The following RALGPS1 variants were observed in gnomAD, a reference collection of about 807,000 sequenced individuals.
RALGPS1 encodes the protein ras-specific guanine nucleotide-releasing factor RalGPS1.
RALGPS1 carries 19 observed loss-of-function variants against 78.8 expected under a neutral mutation model. The ratio of observed to expected loss-of-function variants is 0.24; its 90% CI spans 0.17 to 0.35. The LOEUF (loss-of-function observed/expected upper bound fraction) is 0.35. Among genes scored for constraint, RALGPS1 ranks in the 10% least tolerant of loss-of-function variants. The probability of loss-of-function intolerance (pLI) is 1.00; values close to 1 mark genes in which losing one functional copy is unlikely to be tolerated. For synonymous variants in RALGPS1, 228 were observed against 256.3 expected, an observed-to-expected ratio of 0.89 and a Z score of 1.06; for missense variants, 454 against 688.3, an observed-to-expected ratio of 0.66 and a Z score of 3.81.
At chr9:127,145,824 TC>T (rs1335423542) in intron 8 of RALGPS1, among the ~76,000 whole-genome samples, 1 of 152,242 alleles carries the variant, frequency 6.6e-6, no homozygotes, top group Non-Finnish European at 1.5e-5. Flanking sequence ...TCCCAACCTC[TC>T]TGACCTTTCG....
intron 8 of RALGPS1, among the ~76,000 whole-genome samples, chr9:127,111,102 C>T (rs148465373): frequency 6.6e-5 from 10 of 152,294 alleles, no homozygotes; most frequent in African/African-American, 1.4e-4. Flanking sequence ...CTCTCCCCTA[C>T]GATCATCTCC....
chr9:127,106,356 C>T (rs547108356), intron 8 of RALGPS1, among the ~76,000 whole-genome samples: 2 of 152,252 alleles, frequency 1.3e-5, no homozygotes, highest in South Asian at 4.1e-4. Flanking sequence ...ACAGATGGAA[C>T]GCCAGAGCTA....
At chr9:127,152,382 C>G (rs1203452596) in intron 8 of RALGPS1, among the ~76,000 whole-genome samples, 1 of 152,198 alleles carries the variant, frequency 6.6e-6, no homozygotes, top group Admixed American at 6.5e-5. Flanking sequence ...ATTTGGGCTT[C>G]CCTCTGAGCA....
chr9:127,184,463 T>C (rs10987570), intron 11 of RALGPS1: 95,475 of 206,714 alleles, frequency 0.46, 23,204 homozygotes, highest in African/African-American at 0.5. Flanking sequence ...CAGGCTCCAC[T>C]GTGAAACCTG....
chr9:126,959,696 A>G lies in RALGPS1; in HGVS notation c.-65-2529A>G, dbSNP rs974077929. Among the ~76,000 whole-genome samples, 9 of 152,070 alleles carry G rather than the reference A, an allele frequency of 5.9e-5. No homozygotes were observed. The South Asian group carries it at 1.9e-3, about 32-fold the overall frequency. On this transcript the variant is annotated intron_variant, in intron 1 of 18. Transcript: ENST00000259351. ...TATACCCTCTTGACTAGATTCAGCC[A>G]TCGTTATCATGCTGGCATATTTGCC... is the stretch of plus-strand genomic sequence containing the variant.
intron 4 of RALGPS1, among the ~76,000 whole-genome samples, chr9:127,000,161 G>A (rs964280809): frequency 1.3e-5 from 2 of 151,892 alleles, no homozygotes; most frequent in Non-Finnish European, 2.9e-5. Context: ...AGAGCTTTTG[G>A]TTTCATTATT....
chr9:127,050,224 C>T, intron 6 of RALGPS1, 92 bp downstream of exon 6: 2 of 1,090,980 alleles, frequency 1.8e-6, no homozygotes, highest in Admixed American at 3.7e-5. Flanking sequence ...TTGGGAGCTG[C>T]TTTGCTGTGG....
At chr9:127,207,285 G>T (rs1323074216) in intron 14 of RALGPS1, among the ~76,000 whole-genome samples, 3 of 152,020 alleles carry the variant, frequency 2.0e-5, no homozygotes, top group Non-Finnish European at 1.5e-5. Flanking sequence ...GTTGCCAGTC[G>T]ATGTCTTCCC....
chr9:126,916,470 C>G (rs151170168), intron 1 of RALGPS1, among the ~76,000 whole-genome samples: 1 of 152,168 alleles, frequency 6.6e-6, no homozygotes, highest in Admixed American at 6.5e-5. Flanking sequence ...CATCCAAGTA[C>G]AGACCCCGAT....
intron 5 of RALGPS1, among the ~76,000 whole-genome samples, chr9:127,037,332 T>C (rs2046948404): frequency 6.6e-6 from 1 of 152,232 alleles, no homozygotes; most frequent in Non-Finnish European, 1.5e-5. Flanking sequence ...GTGGTTCTAG[T>C]CTAGGCCGTG....
intron 1 of RALGPS1, among the ~76,000 whole-genome samples, chr9:126,925,392 CA>C (rs2035169308): frequency 6.6e-6 from 1 of 150,952 alleles, no homozygotes. Flanking sequence ...ACTAAAAATA[CA>C]AAAAATTAGC....
chr9:127,039,062 G>A (rs1342958328), intron 5 of RALGPS1, among the ~76,000 whole-genome samples: 1 of 152,132 alleles, frequency 6.6e-6, no homozygotes, highest in Non-Finnish European at 1.5e-5. Context: ...GGATATTTGA[G>A]TCCGGAAGTT....
chr9:126,932,136 C>CA (rs1213830546), intron 1 of RALGPS1, among the ~76,000 whole-genome samples: 2 of 152,142 alleles, frequency 1.3e-5, no homozygotes, highest in Non-Finnish European at 2.9e-5. Context: ...GGTCTGTGAA[C>CA]TTGAGAGAGG....
chr9:127,107,975 G>C, intron 8 of RALGPS1: 1 of 1,575,432 alleles, frequency 6.3e-7, no homozygotes, highest in Non-Finnish European at 8.7e-7. Flanking sequence ...GGCAGAGGGG[G>C]TGGCAGCACC....
intron 8 of RALGPS1, among the ~76,000 whole-genome samples, chr9:127,120,539 T>A (rs1031899145): frequency 6.6e-6 from 1 of 152,204 alleles, no homozygotes. Context: ...AATTTGGGTC[T>A]CTGGCCGGGT....
intron 11 of RALGPS1, chr9:127,184,218 A>G (rs1325156005): frequency 1.6e-6 from 1 of 624,600 alleles, no homozygotes; most frequent in Non-Finnish European, 2.7e-6. Flanking sequence ...CCAGCTCCTC[A>G]GGGCTTAGGC....
chr9:127,210,560 G>T (rs1203834387), intron 14 of RALGPS1: 4 of 653,672 alleles, frequency 6.1e-6, no homozygotes, highest in Non-Finnish European at 1.1e-5. Context: ...GGCTGGGGAG[G>T]AGTTGGGGAG....
intron 11 of RALGPS1, among the ~76,000 whole-genome samples, chr9:127,186,073 G>A (rs1226916253): frequency 6.6e-6 from 1 of 152,162 alleles, no homozygotes; most frequent in African/African-American, 2.4e-5. Context: ...CCACTCCAAG[G>A]CTGTTGTTAG....
At chr9:127,166,959 C>T (rs1465475561) in intron 9 of RALGPS1, among the ~76,000 whole-genome samples, 2 of 148,776 alleles carry the variant, frequency 1.3e-5, no homozygotes, top group African/African-American at 5.0e-5. Flanking sequence ...GCCAGGTGCT[C>T]AAGTCTTCTG....
Sources: gnomAD v4.1 joint callset for allele counts (sites outside exome capture counted in the v4.1 genomes callset) on GRCh38, gnomAD v4.1.1 for gene constraint, MANE v1.5 for transcripts, NCBI Gene and HGNC (gene_info 2026-07-23, HGNC 2026-07-21) for gene names.